Variants in RAP1GAP2 observed in about 807,000 individuals in gnomAD.
RAP1GAP2 encodes RAP1 GTPase activating protein 2.
Under a neutral mutation model 95.0 loss-of-function variants are expected in RAP1GAP2, and 27 were observed. The ratio of observed to expected loss-of-function variants is 0.28; its 90% CI spans 0.21 to 0.39. The LOEUF is 0.39. Among genes scored for constraint, RAP1GAP2 ranks in the 10% least tolerant of loss-of-function variants. RAP1GAP2 has a pLI of 1.00. For synonymous variants in RAP1GAP2, 373 were observed against 380.9 expected (o/e 0.98, Z 0.24); for missense variants, 771 against 970.0 (o/e 0.79, Z 2.72).
At position 2,963,698 on chromosome 17, in the gene RAP1GAP2, G is replaced by T. The variant is rs923125008; in HGVS notation, c.280-158G>T. On this transcript the variant is annotated intron_variant, in intron 6 of 24. Coordinates refer to ENST00000254695, the MANE Select transcript of RAP1GAP2 (RefSeq NM_015085.5). This position sits in a 1 kb window ranked among gnomAD's most constrained non-coding sequence, Gnocchi z 4.8. ...GTTGGCGAATGAAGCTGGAGGTGTT[G>T]TGGGGCTTGGAGGAGGGGTTCATGT... Among the ~76,000 whole-genome samples, 1 of 152,176 alleles carries T rather than the reference G, an allele frequency of 6.6e-6. No homozygotes were observed. Among genetic ancestry groups the T allele is most frequent in the Non-Finnish European group, 1.5e-5 (1 of 68,028 alleles).
Position 3,029,797 on chromosome 17 carries a change from C to T in RAP1GAP2, c.2108-1125C>T, listed in dbSNP as rs543793434. Among the ~76,000 whole-genome samples the T allele has an allele frequency of 5.2e-4, 79 of 152,214 alleles. No individual in the cohort carries two copies. Among genetic ancestry groups the T allele is most frequent in the Middle Eastern group, 3.4e-3 (1 of 294 alleles). Reference sequence around the variant, plus strand: ...GAAATGTTGACACCGGGCTCTGCCACCACTCACACACACTTAACGGAATTT... The same window carrying T: ...GAAATGTTGACACCGGGCTCTGCCATCACTCACACACACTTAACGGAATTT... On this transcript the variant is annotated intron_variant, in intron 22 of 24. Transcript: ENST00000254695. This position sits in a 1 kb window ranked among gnomAD's most constrained non-coding sequence, Gnocchi z 4.4.
intron 2 of RAP1GAP2, among the ~76,000 whole-genome samples, chr17:2,832,508 A>C (rs552822425): frequency 6.8e-6 from 1 of 146,250 alleles, no homozygotes; most frequent in Non-Finnish European, 1.5e-5. Flanking sequence ...CAGTGAGCCG[A>C]GATCGCGCCA....
chr17:2,756,113 C>T (rs1251589168), intron 1 of RAP1GAP2, among the ~76,000 whole-genome samples: 2 of 152,372 alleles, frequency 1.3e-5, no homozygotes, highest in East Asian at 3.9e-4. Context: ...CCTTCGCCCC[C>T]TTCAGGTTTC....
intron 1 of RAP1GAP2, among the ~76,000 whole-genome samples, chr17:2,762,487 T>C (rs1353991910): frequency 1.4e-5 from 2 of 144,086 alleles, no homozygotes; most frequent in Non-Finnish European, 3.0e-5. Flanking sequence ...AACCTCCACC[T>C]CCCAGGTTCA....
chr17:2,867,177 G>A lies in RAP1GAP2; in HGVS notation c.81-38107G>A, dbSNP rs1035812416. Among the ~76,000 whole-genome samples the A allele has an allele frequency of 1.1e-4, 17 of 152,248 alleles. No individual in the cohort carries two copies. The highest frequency in any genetic ancestry group is 1.0e-3 in the Admixed American group (16 of 15,280). Reference sequence around the variant, plus strand: ...GGCCTCCCAAAGTGCTGGGATTACAGGTGTGAGCCACCGTGCCTGGCCTCT... The same window carrying A: ...GGCCTCCCAAAGTGCTGGGATTACAAGTGTGAGCCACCGTGCCTGGCCTCT... On this transcript the variant is annotated intron_variant, in intron 2 of 24. Coordinates refer to ENST00000254695, the MANE Select transcript of RAP1GAP2 (RefSeq NM_015085.5). The surrounding 1 kb of genome is among the most constrained non-coding windows in gnomAD (Gnocchi z 4.5).
intron 1 of RAP1GAP2, among the ~76,000 whole-genome samples, chr17:2,769,937 G>A (rs943984816): frequency 6.6e-6 from 1 of 151,996 alleles, no homozygotes; most frequent in African/African-American, 2.4e-5. Flanking sequence ...GCGAGGCGTG[G>A]TGGTGGGCAC....
At chr17:2,891,971 G>A (rs1597531550) in intron 2 of RAP1GAP2, among the ~76,000 whole-genome samples, 1 of 151,410 alleles carries the variant, frequency 6.6e-6, no homozygotes, top group South Asian at 2.1e-4. Context: ...CTACAGTCAT[G>A]TGCCACCATG....
rs1055323057 is a variant in RAP1GAP2 at position 2,906,588 on chromosome 17, C to T, written c.165+1220C>T. On this transcript the variant is annotated intron_variant, in intron 3 of 24. Transcript: ENST00000254695. The surrounding 1 kb of genome is among the most constrained non-coding windows in gnomAD (Gnocchi z 4.3). ...CACTAGCCTAGTGCCTGCCCCAGCA[C>T]CCAGCTCAGTGTTGGTATCTGAGCC... Among the ~76,000 whole-genome samples, 2 of 152,068 alleles carry T rather than the reference C, an allele frequency of 1.3e-5. No homozygotes were observed. Among genetic ancestry groups the T allele is most frequent in the Non-Finnish European group, 2.9e-5 (2 of 68,010 alleles).
At chr17:3,012,627 AAAAAC>A (rs368926062) in intron 17 of RAP1GAP2, among the ~76,000 whole-genome samples, 3 of 149,276 alleles carry the variant, frequency 2.0e-5, no homozygotes, top group African/African-American at 2.5e-5. Context: ...AAAAAAAAAA[AAAAAC>A]AAACCTAAAG....
At position 3,027,169 on chromosome 17, in the gene RAP1GAP2, T is replaced by A; in HGVS notation, c.2107+99T>A. On this transcript the variant is annotated intron_variant, in intron 22 of 24. Transcript: ENST00000254695. This position sits in a 1 kb window ranked among gnomAD's most constrained non-coding sequence, Gnocchi z 5.2. ...CCAGCCACGCTGAACTGGCCAGTTTTCACCCCTCCTCCCAGCTGTGAGGCC... is the reference window on the plus strand; with the variant it reads ...CCAGCCACGCTGAACTGGCCAGTTTACACCCCTCCTCCCAGCTGTGAGGCC... 3 of 1,410,992 alleles carry A rather than the reference T, an allele frequency of 2.1e-6. No individual in the cohort carries two copies. Among genetic ancestry groups the A allele is most frequent in the Non-Finnish European group, 2.8e-6 (3 of 1,059,472 alleles). 87.4% of individuals were successfully genotyped at this position (1,410,992 alleles called of 1,614,324 possible). A position where few individuals can be genotyped will look rare whatever the true frequency, so the allele number is the denominator to read the frequency against.
chr17:2,910,007 A>C (rs1207240736), intron 3 of RAP1GAP2, among the ~76,000 whole-genome samples: 1 of 152,156 alleles, frequency 6.6e-6, no homozygotes, highest in African/African-American at 2.4e-5. Flanking sequence ...TGTGAAAGCT[A>C]ACCACCCATG....
At chr17:2,793,964 G>A (rs559072319), upstream of RAP1GAP2, among the ~76,000 whole-genome samples, 1 of 152,162 alleles carries the variant, frequency 6.6e-6, no homozygotes, top group East Asian at 1.9e-4. Flanking sequence ...AGCTGGGCGT[G>A]GTGGCGGGCG....
At chr17:2,914,108 A>G (rs1033306013) in intron 3 of RAP1GAP2, among the ~76,000 whole-genome samples, 19 of 151,964 alleles carry the variant, frequency 1.3e-4, no homozygotes, top group Admixed American at 1.0e-3. Context: ...CCCAACCTCA[A>G]GTGATCCGCC....
At chr17:2,928,253 C>A (rs1038535035) in intron 3 of RAP1GAP2, among the ~76,000 whole-genome samples, 1 of 152,220 alleles carries the variant, frequency 6.6e-6, no homozygotes, top group Non-Finnish European at 1.5e-5. Flanking sequence ...TTTCTTGTTG[C>A]AATTTCAGCC....
At chr17:2,969,690 G>C (rs2044774218) in intron 8 of RAP1GAP2, among the ~76,000 whole-genome samples, 1 of 151,596 alleles carries the variant, frequency 6.6e-6, no homozygotes, top group Admixed American at 6.6e-5. Flanking sequence ...TTTCAGTAGA[G>C]ATGGGGTTTC....
intron 2 of RAP1GAP2, among the ~76,000 whole-genome samples, chr17:2,868,579 A>G (rs1011569697): frequency 7.0e-6 from 1 of 143,690 alleles, no homozygotes; most frequent in East Asian, 2.0e-4. Flanking sequence ...GTGCAGTGGC[A>G]CGATCTCAGC....
intron 2 of RAP1GAP2, among the ~76,000 whole-genome samples, chr17:2,878,987 C>T (rs1000525410): frequency 2.6e-5 from 4 of 152,194 alleles, no homozygotes; most frequent in Non-Finnish European, 5.9e-5. Context: ...GAGGCCGGCG[C>T]TGGCCAGTGC....
chr17:2,861,714 G>A (rs1419786158), intron 2 of RAP1GAP2, among the ~76,000 whole-genome samples: 3 of 151,856 alleles, frequency 2.0e-5, no homozygotes, highest in Non-Finnish European at 2.9e-5. Flanking sequence ...ATCACAGCTC[G>A]CTGCAAGCTC....
chr17:2,911,277 A>C (rs1018439533), intron 3 of RAP1GAP2, among the ~76,000 whole-genome samples: 3 of 96,232 alleles, frequency 3.1e-5, no homozygotes, highest in African/African-American at 1.7e-4. Flanking sequence ...TTTTTTGCTA[A>C]TATGAAGCTG....
Sources: gnomAD v4.1 joint callset for allele counts (sites outside exome capture counted in the v4.1 genomes callset) on GRCh38, gnomAD v4.1.1 for gene constraint, Gnocchi (gnomAD v3.1) non-coding constraint, MANE v1.5 for transcripts, NCBI Gene and HGNC (gene_info 2026-07-23, HGNC 2026-07-21) for gene names.